SLC25A13: variants seen among roughly 807,000 people sequenced by gnomAD.
The protein encoded by SLC25A13 is solute carrier family 25 member 13.
Under a neutral mutation model 85.5 loss-of-function variants are expected in SLC25A13, and 70 were observed. The observed-to-expected ratio is 0.82, with a 90% CI of 0.68 to 1.00. The LOEUF is 1.00. Ranked by LOEUF, SLC25A13 falls within the 50% of genes least tolerant of loss-of-function variation. SLC25A13 has a pLI of 0.00. For missense variants in SLC25A13, 765 were observed against 819.8 expected (o/e 0.93, Z 0.82); for synonymous variants, 259 against 288.7 (o/e 0.90, Z 1.04).
At chr7:96,252,644 T>G (rs1797476827) in intron 3 of SLC25A13, among the ~76,000 whole-genome samples, 1 of 152,344 alleles carries the variant, frequency 6.6e-6, no homozygotes, top group Admixed American at 6.5e-5. Flanking sequence ...GAACATGGTA[T>G]AATGAACGTG....
At chr7:96,147,866 A>G (rs1792868106) in intron 13 of SLC25A13, among the ~76,000 whole-genome samples, 1 of 152,018 alleles carries the variant, frequency 6.6e-6, no homozygotes, top group Non-Finnish European at 1.5e-5. Flanking sequence ...CCCTACCACC[A>G]TGTGGAAGAA....
intron 4 of SLC25A13, among the ~76,000 whole-genome samples, chr7:96,232,348 A>G (rs1057511703): frequency 2.0e-5 from 3 of 152,172 alleles, no homozygotes; most frequent in Admixed American, 1.3e-4. Context: ...AGAAAACCAA[A>G]AACCAAACAT....
chr7:96,216,182 A>G (rs57171550), intron 4 of SLC25A13, among the ~76,000 whole-genome samples: 3,477 of 152,048 alleles, frequency 0.023, 124 homozygotes, highest in African/African-American at 0.079. Context: ...AAAAAAAGAA[A>G]GTGTTAAAAC....
At chr7:96,228,196 T>C (rs1476917306) in intron 4 of SLC25A13, among the ~76,000 whole-genome samples, 1 of 152,154 alleles carries the variant, frequency 6.6e-6, no homozygotes, top group East Asian at 1.9e-4. Flanking sequence ...AAAAGAGCTA[T>C]CCACAAAAGA....
Position 96,128,752 on chromosome 7 carries a change from TATAATAATAATAATAATAATA to T in SLC25A13, c.1591+2970_1591+2990del, listed in dbSNP as rs367558778. 3.8e-4 allele frequency among the ~76,000 whole-genome samples: 53 copies of T among 139,966 alleles called. 1 individual carries two copies. The East Asian group carries it at 6.6e-3, about 17-fold the overall frequency. 91.8% of individuals were successfully genotyped at this position (139,966 alleles called of 152,430 possible). A position where few individuals can be genotyped will look rare whatever the true frequency, so the allele number is the denominator to read the frequency against. On this transcript the variant is annotated intron_variant, in intron 15 of 17. Coordinates refer to ENST00000265631, the MANE Select transcript of SLC25A13 (RefSeq NM_014251.3). ...TGCACATGTATCCCAGAACTTAAAG[TATAATAATAATAATAATAATA>T]ATAATAATAATAATAATAATAATAA...
chr7:96,214,823 C>T (rs1795828710), intron 4 of SLC25A13, among the ~76,000 whole-genome samples: 1 of 151,830 alleles, frequency 6.6e-6, no homozygotes. Context: ...AAAATAAGTG[C>T]AAAACTGATT....
chr7:96,141,728 G>A (rs1008115001), intron 14 of SLC25A13, among the ~76,000 whole-genome samples: 4 of 152,106 alleles, frequency 2.6e-5, no homozygotes, highest in African/African-American at 7.2e-5. Flanking sequence ...CTGTGAGCAC[G>A]TAAAAATACA....
intron 3 of SLC25A13, among the ~76,000 whole-genome samples, chr7:96,261,117 C>A (rs1420753621): frequency 6.6e-6 from 1 of 152,136 alleles, no homozygotes; most frequent in Non-Finnish European, 1.5e-5. Context: ...ATTGAGAAGG[C>A]TCAATCCCTA....
chr7:96,255,458 G>T (rs1797598549), intron 3 of SLC25A13, among the ~76,000 whole-genome samples: 1 of 152,186 alleles, frequency 6.6e-6, no homozygotes, highest in Non-Finnish European at 1.5e-5. Context: ...GGCCAATGTG[G>T]CGGGATCATT....
intron 13 of SLC25A13, among the ~76,000 whole-genome samples, chr7:96,167,841 T>C (rs1332180905): frequency 3.3e-5 from 5 of 151,994 alleles, no homozygotes; most frequent in African/African-American, 1.2e-4. Flanking sequence ...GCCCCATGCC[T>C]GTAATCCCAG....
At chr7:96,306,172 T>G (rs979287549) in intron 1 of SLC25A13, among the ~76,000 whole-genome samples, 7 of 152,206 alleles carry the variant, frequency 4.6e-5, no homozygotes, top group Non-Finnish European at 1.0e-4. Context: ...CTAATTTGAT[T>G]GCAAATCTAT....
chr7:96,138,242 C>T (rs1792368005), intron 14 of SLC25A13, among the ~76,000 whole-genome samples: 1 of 152,128 alleles, frequency 6.6e-6, no homozygotes, highest in East Asian at 1.9e-4. Flanking sequence ...GCCGTCAGTT[C>T]AACTGTTGCC....
Position 96,252,186 on chromosome 7 carries a change from C to T in SLC25A13, c.213-17269G>A, listed in dbSNP as rs1464494646. On this transcript the variant is annotated intron_variant, in intron 3 of 17. Coordinates refer to ENST00000265631, the MANE Select transcript of SLC25A13 (RefSeq NM_014251.3). ...TCTTCCTTTTTTTGTATTATCCTTG[C>T]TGGTATCATGAAGCCTGAACAGCAG... 2.6e-5 allele frequency among the ~76,000 whole-genome samples: 4 copies of T among 152,088 alleles called. No homozygotes were observed. In the East Asian group the frequency reaches 5.8e-4, roughly 22 times the overall value.
At chr7:96,235,317 C>A (rs2116817151) in intron 3 of SLC25A13, among the ~76,000 whole-genome samples, 1 of 152,064 alleles carries the variant, frequency 6.6e-6, no homozygotes, top group African/African-American at 2.4e-5. Context: ...ATACACCATG[C>A]AAAAAACGGT....
intron 9 of SLC25A13, 39 bp from the exon 10 acceptor site, chr7:96,185,050 G>A: frequency 6.5e-7 from 1 of 1,544,870 alleles, no homozygotes; most frequent in Non-Finnish European, 8.8e-7. Flanking sequence ...CAGGAAAACA[G>A]GTGACAGAAA....
chr7:96,280,673 T>A (rs1798642830), intron 2 of SLC25A13, among the ~76,000 whole-genome samples: 1 of 152,004 alleles, frequency 6.6e-6, no homozygotes, highest in Non-Finnish European at 1.5e-5. Flanking sequence ...CATGTTTGCA[T>A]CACTATACTC....
At chr7:96,184,808 A>G (rs974336861) in intron 10 of SLC25A13, 119 bp downstream of exon 10, 15 of 884,248 alleles carry the variant, frequency 1.7e-5, no homozygotes, top group Admixed American at 1.1e-4. Flanking sequence ...GTAGAAACTG[A>G]TAACTGGCAT....
chr7:96,287,285 T>C (rs1331317271), intron 2 of SLC25A13, among the ~76,000 whole-genome samples: 7 of 152,150 alleles, frequency 4.6e-5, no homozygotes, highest in Non-Finnish European at 1.0e-4. Flanking sequence ...AGATCCACAA[T>C]CCTTTCCACA....
intron 2 of SLC25A13, among the ~76,000 whole-genome samples, chr7:96,290,336 G>A (rs1053720662): frequency 5.9e-5 from 9 of 152,142 alleles, no homozygotes; most frequent in African/African-American, 1.9e-4. Flanking sequence ...AAATTGTAAA[G>A]ACCATCGATG....
Sources: gnomAD v4.1 joint callset for allele counts (sites outside exome capture counted in the v4.1 genomes callset) on GRCh38, gnomAD v4.1.1 for gene constraint, MANE v1.5 for transcripts, NCBI Gene and HGNC (gene_info 2026-07-23, HGNC 2026-07-21) for gene names.